The following POLD3 variants were observed in gnomAD, a reference collection of about 807,000 sequenced individuals.
The protein encoded by POLD3 is DNA polymerase delta subunit 3.
In POLD3, 19 loss-of-function variants were observed where a neutral mutation model predicts 58.2. The observed-to-expected ratio is 0.33, with a 90% CI of 0.23 to 0.48. The LOEUF is 0.48. Ranked by LOEUF, POLD3 falls within the 20% of genes least tolerant of loss-of-function variation. The probability of loss-of-function intolerance (pLI) is 0.99; values close to 1 mark genes in which losing one functional copy is unlikely to be tolerated. For synonymous variants in POLD3, 172 were observed against 193.5 expected, an observed-to-expected ratio of 0.89 and a Z score of 0.92; for missense variants, 504 against 545.5, an observed-to-expected ratio of 0.92 and a Z score of 0.76.
chr11:74,666,705 AT>A (rs1007792852), intron 4 of POLD3, among the ~76,000 whole-genome samples: 26 of 151,934 alleles, frequency 1.7e-4, no homozygotes, highest in African/African-American at 5.3e-4. Context: ...TCCCAGCTGG[AT>A]TTTTTTTTCC....
chr11:74,644,580 C>T (rs1047708153), downstream of POLD3, among the ~76,000 whole-genome samples: 3 of 152,118 alleles, frequency 2.0e-5, no homozygotes, highest in Admixed American at 2.0e-4. Context: ...TAGGTGCGGA[C>T]CACCCACAGA....
chr11:74,667,543 ATTTTATGTCATG>A (rs1565137679), intron 4 of POLD3, among the ~76,000 whole-genome samples: 48 of 152,080 alleles, frequency 3.2e-4, no homozygotes, highest in African/African-American at 6.3e-4. Flanking sequence ...AAAAAGGTAA[ATTTTATGTCATG>A]AATATTTTAC....
intron 4 of POLD3, among the ~76,000 whole-genome samples, chr11:74,654,399 A>G (rs1198304259): frequency 6.6e-6 from 1 of 151,556 alleles, no homozygotes; most frequent in Non-Finnish European, 1.5e-5. Flanking sequence ...GTAAACGTGC[A>G]CACAATAACA....
chr11:74,604,070 A>C (rs1205667177), intron 2 of POLD3, among the ~76,000 whole-genome samples: 1 of 152,248 alleles, frequency 6.6e-6, no homozygotes, highest in Non-Finnish European at 1.5e-5. Context: ...CCGGCATTAA[A>C]TCTGAGTAAT....
At chr11:74,650,298 G>A (rs1321012385) in intron 4 of POLD3, among the ~76,000 whole-genome samples, 3 of 152,036 alleles carry the variant, frequency 2.0e-5, no homozygotes, top group Non-Finnish European at 1.5e-5. Context: ...TGAGGAGGGA[G>A]GGCTAATGGA....
chr11:74,655,913 CTG>C (rs756296906), intron 4 of POLD3, among the ~76,000 whole-genome samples: 16 of 152,216 alleles, frequency 1.1e-4, no homozygotes, highest in South Asian at 8.3e-4. Context: ...AGGCATAAAA[CTG>C]TATTTTCAAA....
chr11:74,663,501 T>C (rs2033229726), intron 4 of POLD3, among the ~76,000 whole-genome samples: 4 of 152,220 alleles, frequency 2.6e-5, no homozygotes, highest in Admixed American at 2.6e-4. Context: ...CAAGACAGTG[T>C]GGTGTTGACA....
chr11:74,609,372 A>ATATATATATATATATATATATTT (rs2031821525), intron 3 of POLD3, among the ~76,000 whole-genome samples: 1 of 27,196 alleles, frequency 3.7e-5, no homozygotes, highest in African/African-American at 1.9e-4. Context: ...ATATATATAT[A>ATATATATATATATATATATATTT]TTTTTTTTTT....
chr11:74,593,514 A>G (rs1468100843), intron 1 of POLD3, among the ~76,000 whole-genome samples: 1 of 152,252 alleles, frequency 6.6e-6, no homozygotes, highest in African/African-American at 2.4e-5. Flanking sequence ...TTGAGAGAAG[A>G]GAGTGCAGGC....
Position 74,641,348 on chromosome 11 carries a change from C to T in POLD3, c.*582C>T, listed in dbSNP as rs142977550. ...TCCTCTTCCTCCATTATGCAGTACA[C>T]GGACACCTGGCTACAGACCAGGACG... On this transcript the variant is annotated 3_prime_UTR_variant, in exon 12 of 12. Coordinates refer to ENST00000263681, the MANE Select transcript of POLD3 (RefSeq NM_006591.3). The T allele has an allele frequency of 6.7e-4, 656 of 985,412 alleles. 1 individual carries two copies. Among genetic ancestry groups the T allele is most frequent in the Non-Finnish European group, 7.5e-4 (624 of 829,928 alleles). 61.0% of individuals were successfully genotyped at this position (985,412 alleles called of 1,614,324 possible).
chr11:74,624,913 C>T (rs1335592887), intron 7 of POLD3, among the ~76,000 whole-genome samples: 1 of 152,060 alleles, frequency 6.6e-6, no homozygotes, highest in Non-Finnish European at 1.5e-5. Flanking sequence ...CAGAGTGAAG[C>T]GGGGTTTGAA....
chr11:74,605,066 C>T (rs897611950), intron 3 of POLD3, among the ~76,000 whole-genome samples: 2 of 152,054 alleles, frequency 1.3e-5, no homozygotes, highest in Non-Finnish European at 2.9e-5. Flanking sequence ...TTTTTTTCCT[C>T]TTGAAGGTAT....
At chr11:74,648,024 G>T (rs1737835695), downstream of POLD3, among the ~76,000 whole-genome samples, 1 of 152,198 alleles carries the variant, frequency 6.6e-6, no homozygotes, top group African/African-American at 2.4e-5. Flanking sequence ...TGCCCAATAA[G>T]TGGCAAAGGT....
rs763115192 is a variant in POLD3, at chr11:74,629,300, A to T, written c.983A>T (p.Glu328Val). The T allele has an allele frequency of 2.5e-6, 4 of 1,604,516 alleles. No homozygotes were observed. Among genetic ancestry groups the T allele is most frequent in the Non-Finnish European group, 3.4e-6 (4 of 1,173,018 alleles). The stretch of plus-strand genomic sequence containing the variant: ...AAGAGGAGAAGAATCAAACTTCCTG[A>T]ATCTGATAGCAGTGAAGATGAAGGT... ...RKKRRRIKLP[E>V]SDSSEDEVFP... is the part of the protein sequence containing the mutation. The change falls in exon 9 of 12, where the codon GAA becomes GTA. Residue 328 changes from glutamate (E) to valine (V), a missense_variant. Glu to Val is a moderately radical substitution (Grantham distance 121). This residue lies in a region of POLD3 where 385 missense variants were observed against 370.5 expected (regional missense o/e 1.04). Transcript: ENST00000263681.
chr11:74,656,627 A>G (rs993732694), intron 4 of POLD3, among the ~76,000 whole-genome samples: 1 of 152,130 alleles, frequency 6.6e-6, no homozygotes, highest in African/African-American at 2.4e-5. Context: ...CCCACTGGTC[A>G]TTCAGGAGCA....
At chr11:74,644,941 TG>T (rs2032980816), downstream of POLD3, among the ~76,000 whole-genome samples, 1 of 152,214 alleles carries the variant, frequency 6.6e-6, no homozygotes, top group Non-Finnish European at 1.5e-5. Flanking sequence ...AGTGTCTGTT[TG>T]GGATCAGTCA....
chr11:74,607,980 T>C (rs186124554), intron 3 of POLD3, among the ~76,000 whole-genome samples: 19 of 152,344 alleles, frequency 1.2e-4, no homozygotes, highest in African/African-American at 3.6e-4. Context: ...ACGTGAAAGC[T>C]TCCTTCAAAT....
At chr11:74,605,855 G>T (rs2031655927) in intron 3 of POLD3, among the ~76,000 whole-genome samples, 1 of 152,146 alleles carries the variant, frequency 6.6e-6, no homozygotes, top group Non-Finnish European at 1.5e-5. Context: ...AAGCTGGGTT[G>T]GGAGAATCAC....
At chr11:74,601,779 C>T (rs1424120932) in intron 2 of POLD3, among the ~76,000 whole-genome samples, 4 of 151,990 alleles carry the variant, frequency 2.6e-5, no homozygotes, top group Non-Finnish European at 5.9e-5. Flanking sequence ...GAGACTCTAT[C>T]TCTTAAAAAA....
Sources: gnomAD v4.1 joint callset for allele counts (sites outside exome capture counted in the v4.1 genomes callset) on GRCh38, gnomAD v4.1.1 for gene constraint, gnomAD v4.1.1 regional missense constraint, MANE v1.5 for transcripts, NCBI Gene and HGNC (gene_info 2026-07-23, HGNC 2026-07-21) for gene names.